Variants in NR3C1 observed in about 807,000 individuals in gnomAD.
NR3C1 encodes the protein glucocorticoid receptor.
Under a neutral mutation model 74.0 loss-of-function variants are expected in NR3C1, and 14 were observed. That is an observed-to-expected ratio of 0.19 (90% CI 0.12 to 0.30). The LOEUF is 0.30. Ranked by LOEUF, NR3C1 falls within the 10% of genes least tolerant of loss-of-function variation. The pLI, the probability that NR3C1 is intolerant of heterozygous loss-of-function variation, is 1.00. For synonymous variants in NR3C1, 308 were observed against 332.5 expected, an observed-to-expected ratio of 0.93 and a Z score of 0.80; for missense variants, 695 against 909.8, an observed-to-expected ratio of 0.76 and a Z score of 3.04.
At chr5:143,351,530 A>C (rs1452169790) in intron 2 of NR3C1, among the ~76,000 whole-genome samples, 1 of 152,192 alleles carries the variant, frequency 6.6e-6, no homozygotes, top group Non-Finnish European at 1.5e-5. Context: ...ACCAAAATGA[A>C]CAAACAGCAT....
intron 1 of NR3C1, among the ~76,000 whole-genome samples, chr5:143,412,542 G>A (rs1841329980): frequency 6.6e-6 from 1 of 150,972 alleles, no homozygotes; most frequent in Non-Finnish European, 1.5e-5. Flanking sequence ...ATTTTTCTTT[G>A]CTATGCCATA....
intron 2 of NR3C1, among the ~76,000 whole-genome samples, chr5:143,359,936 TAAATA>T (rs570959380): frequency 1.3e-5 from 2 of 151,984 alleles, no homozygotes; most frequent in Non-Finnish European, 2.9e-5. Flanking sequence ...AATAAATAAA[TAAATA>T]AAATAAATCA....
chr5:143,301,809 C>T (rs1418227716), intron 4 of NR3C1, among the ~76,000 whole-genome samples: 4 of 151,994 alleles, frequency 2.6e-5, no homozygotes, highest in East Asian at 1.9e-4. Context: ...TTTTTAGATC[C>T]TCTGTCCTTA....
chr5:143,288,676 T>C (rs1815142038), intron 7 of NR3C1, among the ~76,000 whole-genome samples: 4 of 152,062 alleles, frequency 2.6e-5, no homozygotes, highest in Admixed American at 2.6e-4. Context: ...TTTCGACATT[T>C]TGCCCAGGCT....
Position 143,300,672 on chromosome 5 carries a change from T to C in NR3C1, c.1560A>G (p.Ile520Met). The part of the protein sequence containing the change: ...ETSENPGNKT[I>M]VPATLPQLTP... ...TGAGTTGTGGTAACGTTGCAGGAAC[T>C]ATTGTTTTGTTACCAGGATTTTCAG... Residue 520 changes from isoleucine to methionine, a missense_variant, in exon 5 of 9, where the codon ATA becomes ATG. Coordinates refer to ENST00000394464, the MANE Select transcript of NR3C1 (RefSeq NM_000176.3). The surrounding 1 kb of genome is among the most constrained non-coding windows in gnomAD (Gnocchi z 5.2). The C allele has an allele frequency of 6.2e-7, 1 of 1,614,204 alleles. No homozygotes were observed.
intron 2 of NR3C1, among the ~76,000 whole-genome samples, chr5:143,335,729 T>C (rs1827002551): frequency 6.6e-6 from 1 of 152,262 alleles, no homozygotes; most frequent in Non-Finnish European, 1.5e-5. Context: ...TACATGATTC[T>C]TTAGTAGTTG....
intron 2 of NR3C1, among the ~76,000 whole-genome samples, chr5:143,383,822 AG>A (rs1836697398): frequency 6.6e-6 from 1 of 152,234 alleles, no homozygotes; most frequent in African/African-American, 2.4e-5. Flanking sequence ...AAACACTGCC[AG>A]GGGGAACTGT....
rs761728839 is a variant in NR3C1, at chr5:143,280,794, G to A, written c.*1095C>T. On this transcript the variant is annotated 3_prime_UTR_variant, in exon 9 of 9. Coordinates refer to ENST00000394464, the MANE Select transcript of NR3C1 (RefSeq NM_000176.3). ...GTTTTTGGGTAAAGTTTAGTGAGAG[G>A]AATTACTTTGTCTGATTAAAAGTCT... is the stretch of plus-strand genomic sequence containing the variant. 6.6e-6 allele frequency: 1 copy of A among 152,132 alleles called. No individual in the cohort carries two copies. Among genetic ancestry groups the A allele is most frequent in the African/African-American group, 2.4e-5 (1 of 41,420 alleles). The allele number at this position is 152,132 out of a possible 1,614,324, so 9.4% of individuals were successfully genotyped here. A position where few individuals can be genotyped will look rare whatever the true frequency, so the allele number is the denominator to read the frequency against.
chr5:143,335,567 T>C (rs1038012617), intron 2 of NR3C1, among the ~76,000 whole-genome samples: 5 of 152,324 alleles, frequency 3.3e-5, no homozygotes, highest in Middle Eastern at 3.4e-3. Flanking sequence ...AGCAAACACT[T>C]CCATATATAG....
At chr5:143,376,368 G>T (rs376378995) in intron 2 of NR3C1, among the ~76,000 whole-genome samples, 63 of 152,312 alleles carry the variant, frequency 4.1e-4, no homozygotes, top group Middle Eastern at 3.4e-3. Flanking sequence ...GACATTCAGA[G>T]CACCTCTTTA....
chr5:143,370,577 C>T (rs1834062597), intron 2 of NR3C1, among the ~76,000 whole-genome samples: 1 of 152,208 alleles, frequency 6.6e-6, no homozygotes, highest in Non-Finnish European at 1.5e-5. Context: ...ATATTAAGGG[C>T]ACCGGCTACA....
chr5:143,325,191 AAG>A lies in NR3C1; in HGVS notation c.1185-11025_1185-11024del, dbSNP rs568668470. On this transcript the variant is annotated intron_variant, in intron 2 of 8. Coordinates refer to ENST00000394464, the MANE Select transcript of NR3C1 (RefSeq NM_000176.3). ...AGACACACCCAAAACTGGGAACAAA[AAG>A]AGGTTTAATTGGACTTAGAGTTCCA... 5.9e-3 allele frequency among the ~76,000 whole-genome samples: 891 copies of A among 152,286 alleles called. 3 individuals carry two copies. The highest frequency in any genetic ancestry group is 0.017 in the Middle Eastern group (5 of 294).
intron 4 of NR3C1, among the ~76,000 whole-genome samples, chr5:143,308,288 C>A (rs1230181978): frequency 6.6e-6 from 1 of 151,944 alleles, no homozygotes; most frequent in Non-Finnish European, 1.5e-5. Flanking sequence ...AGCAAGACCC[C>A]TTTGTCTCTA....
At chr5:143,414,109 T>C (rs950361892) in intron 1 of NR3C1, among the ~76,000 whole-genome samples, 1 of 152,224 alleles carries the variant, frequency 6.6e-6, no homozygotes, top group African/African-American at 2.4e-5. Context: ...AGAATGTGGG[T>C]TTGTACTTTG....
intron 5 of NR3C1, among the ~76,000 whole-genome samples, chr5:143,299,084 G>A (rs865840491): frequency 7.6e-5 from 11 of 145,336 alleles, no homozygotes; most frequent in Middle Eastern, 3.6e-3. Context: ...GTGCCATCTC[G>A]GCTCACTGCA....
chr5:143,390,255 TAA>T (rs1837995057), intron 2 of NR3C1, among the ~76,000 whole-genome samples: 1 of 152,152 alleles, frequency 6.6e-6, no homozygotes, highest in Non-Finnish European at 1.5e-5. Flanking sequence ...TTGTGAGGAA[TAA>T]AAGTCAAAAA....
chr5:143,424,261 G>A (rs139648785), intron 1 of NR3C1, among the ~76,000 whole-genome samples: 1,918 of 152,068 alleles, frequency 0.013, 23 homozygotes, highest in Non-Finnish European at 0.019. Context: ...TAATGGATAC[G>A]AAAATGCAGT....
intron 2 of NR3C1, among the ~76,000 whole-genome samples, chr5:143,328,541 C>T (rs1432076629): frequency 6.6e-6 from 1 of 152,216 alleles, no homozygotes; most frequent in African/African-American, 2.4e-5. Context: ...TTTTCTACTA[C>T]ATGGTCAGGC....
intron 2 of NR3C1, among the ~76,000 whole-genome samples, chr5:143,364,574 T>C (rs541731916): frequency 2.6e-5 from 4 of 152,294 alleles, no homozygotes; most frequent in African/African-American, 7.2e-5. Context: ...TAAATCTACA[T>C]TGATAAACAC....
Sources: gnomAD v4.1 joint callset for allele counts (sites outside exome capture counted in the v4.1 genomes callset) on GRCh38, gnomAD v4.1.1 for gene constraint, Gnocchi (gnomAD v3.1) non-coding constraint, MANE v1.5 for transcripts, NCBI Gene and HGNC (gene_info 2026-07-23, HGNC 2026-07-21) for gene names.